BCHE: variants seen among roughly 807,000 people sequenced by gnomAD.
The protein encoded by BCHE is cholinesterase.
In BCHE, 48 loss-of-function variants were observed where a neutral mutation model predicts 51.3. The observed-to-expected ratio is 0.94, with a 90% confidence interval of 0.74 to 1.19. BCHE has a LOEUF of 1.19. BCHE is among the 50% of genes most tolerant of loss of function. BCHE has a pLI of 0.00. For missense variants in BCHE, 847 were observed against 708.2 expected (o/e 1.20, Z -2.23); for synonymous variants, 251 against 238.0 (o/e 1.05, Z -0.50).
intron 2 of BCHE, among the ~76,000 whole-genome samples, chr3:165,809,583 A>G (rs575406620): frequency 6.6e-6 from 1 of 152,110 alleles, no homozygotes; most frequent in Non-Finnish European, 1.5e-5. Context: ...AACTTTTTAG[A>G]TCCATTGCAC....
chr3:165,817,640 A>G (rs1213705613), intron 2 of BCHE, among the ~76,000 whole-genome samples: 1 of 151,974 alleles, frequency 6.6e-6, no homozygotes, highest in Non-Finnish European at 1.5e-5. Context: ...CTGTCCCTCT[A>G]TTTTAATAGA....
chr3:165,798,061 C>T (rs181926002), intron 2 of BCHE, among the ~76,000 whole-genome samples: 296 of 152,230 alleles, frequency 1.9e-3, no homozygotes, highest in African/African-American at 6.8e-3. Context: ...TTTAAGGCTC[C>T]GTAATAGCAG....
chr3:165,801,512 A>C (rs1713645004), intron 2 of BCHE, among the ~76,000 whole-genome samples: 1 of 152,162 alleles, frequency 6.6e-6, no homozygotes, highest in African/African-American at 2.4e-5. Context: ...TAAATACATC[A>C]TTATGAAATA....
At chr3:165,795,951 G>A (rs1437017395) in intron 2 of BCHE, among the ~76,000 whole-genome samples, 1 of 151,904 alleles carries the variant, frequency 6.6e-6, no homozygotes, top group Non-Finnish European at 1.5e-5. Flanking sequence ...GGAGAGGAGA[G>A]GAGAAGAGGA....
At chr3:165,789,454 A>T (rs1214866593) in intron 2 of BCHE, among the ~76,000 whole-genome samples, 1 of 152,176 alleles carries the variant, frequency 6.6e-6, no homozygotes, top group Non-Finnish European at 1.5e-5. Context: ...AAAATTATGC[A>T]TCTAGCTTCA....
Position 165,829,560 on chromosome 3 carries a change from T to G in BCHE, c.1474A>C (p.Ser492Arg), listed in dbSNP as rs1437097990. The change falls in exon 2 of 4, where the codon AGT (serine) becomes CGT (arginine). Residue 492 changes from serine (S) to arginine (R), a missense_variant. By Grantham distance (110) the Ser-to-Arg change is moderately radical. Coordinates refer to ENST00000264381, the MANE Select transcript of BCHE (RefSeq NM_000055.4). ...DNYTKAEEILSRSIVKRWANF... is the reference protein window; with the variant it reads ...DNYTKAEEILRRSIVKRWANF... ...GCCCACCGTTTCACTATGGATCTAC[T>G]CAAAATTTCCTCGGCTTTTGTGTAA... The G allele has an allele frequency of 6.2e-7, 1 of 1,613,670 alleles. No homozygotes were observed. The highest frequency in any genetic ancestry group is 8.5e-7 in the Non-Finnish European group (1 of 1,179,838).
intron 2 of BCHE, among the ~76,000 whole-genome samples, chr3:165,811,748 G>T (rs1714106241): frequency 6.6e-6 from 1 of 151,962 alleles, no homozygotes; most frequent in South Asian, 2.1e-4. Context: ...AATGCATAGA[G>T]TTAGAGCCTA....
At chr3:165,775,006 T>C (rs1473090814) in intron 3 of BCHE, among the ~76,000 whole-genome samples, 1 of 152,142 alleles carries the variant, frequency 6.6e-6, no homozygotes, top group Non-Finnish European at 1.5e-5. Flanking sequence ...TTTTAAACTT[T>C]TAGAATGCTA....
intron 3 of BCHE, among the ~76,000 whole-genome samples, chr3:165,773,782 A>G (rs1437296240): frequency 8.8e-6 from 1 of 113,866 alleles, no homozygotes. Context: ...ATTATGTATA[A>G]TTACATTACA....
chr3:165,773,614 T>C, intron 3 of BCHE, 108 bp from the exon 4 acceptor site: 1 of 800,264 alleles, frequency 1.2e-6, no homozygotes, highest in East Asian at 2.8e-5. Flanking sequence ...CAGTACAGCA[T>C]TATTTTCTTT....
chr3:165,821,127 C>G (rs1380733524), intron 2 of BCHE, among the ~76,000 whole-genome samples: 1 of 151,866 alleles, frequency 6.6e-6, no homozygotes, highest in Non-Finnish European at 1.5e-5. Context: ...TGATAGTACA[C>G]TGTTCATGTT....
At chr3:165,810,599 G>A (rs989498991) in intron 2 of BCHE, among the ~76,000 whole-genome samples, 1 of 152,130 alleles carries the variant, frequency 6.6e-6, no homozygotes, top group Admixed American at 6.6e-5. Context: ...AACATGATAG[G>A]AAATATGAAA....
intron 3 of BCHE, among the ~76,000 whole-genome samples, chr3:165,784,400 T>A (rs891738662): frequency 6.6e-6 from 1 of 151,970 alleles, no homozygotes; most frequent in Non-Finnish European, 1.5e-5. Context: ...TTATAAAATA[T>A]ATCTAATATG....
intron 2 of BCHE, among the ~76,000 whole-genome samples, chr3:165,825,988 G>C (rs1714707988): frequency 6.6e-6 from 1 of 152,006 alleles, no homozygotes; most frequent in South Asian, 2.1e-4. Flanking sequence ...ATTGAAGATT[G>C]ATTAGTTGCA....
chr3:165,785,612 T>A (rs1434232096), intron 3 of BCHE, among the ~76,000 whole-genome samples: 2 of 151,762 alleles, frequency 1.3e-5, no homozygotes, highest in Non-Finnish European at 3.0e-5. Flanking sequence ...TATTATGTAA[T>A]GTGCGTGTGT....
chr3:165,783,102 C>A (rs1017733961), intron 3 of BCHE, among the ~76,000 whole-genome samples: 1 of 150,282 alleles, frequency 6.7e-6, no homozygotes, highest in Non-Finnish European at 1.5e-5. Flanking sequence ...AGTCTGCCAT[C>A]ATAATTAAGA....
At chr3:165,825,016 T>C (rs150421893) in intron 2 of BCHE, among the ~76,000 whole-genome samples, 263 of 152,172 alleles carry the variant, frequency 1.7e-3, no homozygotes, top group African/African-American at 6.2e-3. Context: ...ATAACTGTTT[T>C]TTTTTCAAAT....
intron 2 of BCHE, among the ~76,000 whole-genome samples, chr3:165,816,894 C>T (rs975994227): frequency 3.3e-5 from 5 of 152,012 alleles, no homozygotes; most frequent in Non-Finnish European, 4.4e-5. Context: ...ACACCATCTT[C>T]ATACTTTTAG....
At chr3:165,812,267 T>C (rs1714130371) in intron 2 of BCHE, among the ~76,000 whole-genome samples, 1 of 130,668 alleles carries the variant, frequency 7.7e-6, no homozygotes, top group Non-Finnish European at 1.6e-5. Flanking sequence ...GAAAAAAAAA[T>C]GGATCTCATG....
Sources: allele counts gnomAD v4.1 joint callset (sites outside exome capture counted in the v4.1 genomes callset), GRCh38; gene constraint gnomAD v4.1.1; transcripts MANE v1.5; gene names NCBI Gene and HGNC (gene_info 2026-07-23, HGNC 2026-07-21).